NLGN4X: variants seen among roughly 807,000 people sequenced by gnomAD.
NLGN4X encodes the protein neuroligin 4 X-linked.
In NLGN4X, 3 loss-of-function variants were observed where a neutral mutation model predicts 40.3. The ratio of observed to expected loss-of-function variants is 0.07; its 90% confidence interval spans 0.03 to 0.19. The LOEUF is 0.19. Ranked by LOEUF, NLGN4X falls within the 10% of genes least tolerant of loss-of-function variation. The probability of loss-of-function intolerance (pLI) is 1.00; values close to 1 mark genes in which losing one functional copy is unlikely to be tolerated. For synonymous variants in NLGN4X, 270 were observed against 306.8 expected, an observed-to-expected ratio of 0.88 and a Z score of 1.25; for missense variants, 382 against 708.3, an observed-to-expected ratio of 0.54 and a Z score of 5.23.
At chrX:5,907,233 C>T (rs1291868048) in intron 4 of NLGN4X, among the ~76,000 whole-genome samples, 1 of 112,166 alleles carries the variant, frequency 8.9e-6, no homozygotes, top group Non-Finnish European at 1.9e-5. Flanking sequence ...GGCCAGGCAA[C>T]CCAGGGCTGG....
At chrX:5,932,760 G>A (rs1038042560) in intron 3 of NLGN4X, among the ~76,000 whole-genome samples, 1 of 110,297 alleles carries the variant, frequency 9.1e-6, no homozygotes, top group Non-Finnish European at 1.9e-5. Flanking sequence ...AAAAATGGAT[G>A]ACTTTGTTAG....
chrX:6,008,876 A>T (rs965095128), intron 3 of NLGN4X, among the ~76,000 whole-genome samples: 1 of 111,889 alleles, frequency 8.9e-6, no homozygotes, highest in African/African-American at 3.2e-5. Context: ...CACAAACACC[A>T]TTCAACTTTT....
At chrX:6,071,874 T>G (rs2038071908) in intron 2 of NLGN4X, among the ~76,000 whole-genome samples, 1 of 110,885 alleles carries the variant, frequency 9.0e-6, no homozygotes, top group African/African-American at 3.3e-5. Flanking sequence ...GGATTTGACT[T>G]GCCAATGTGA....
chrX:6,140,487 C>G (rs2039925743), intron 2 of NLGN4X, among the ~76,000 whole-genome samples: 1 of 110,062 alleles, frequency 9.1e-6, no homozygotes, highest in African/African-American at 3.3e-5. Context: ...CACACACACA[C>G]ACACACACAC....
At chrX:6,091,557 CTT>C (rs1274299188) in intron 2 of NLGN4X, among the ~76,000 whole-genome samples, 19 of 111,226 alleles carry the variant, frequency 1.7e-4, no homozygotes, top group Non-Finnish European at 3.2e-4. Context: ...ACTTAGATAT[CTT>C]TCAAAACCAA....
At chrX:6,038,756 A>G (rs2037084209) in intron 2 of NLGN4X, among the ~76,000 whole-genome samples, 2 of 111,958 alleles carry the variant, frequency 1.8e-5, no homozygotes, top group Admixed American at 1.9e-4. Context: ...ATTCAAAAAG[A>G]TATTTCTTGT....
chrX:5,933,584 G>T (rs943262764), intron 3 of NLGN4X, among the ~76,000 whole-genome samples: 1 of 111,588 alleles, frequency 9.0e-6, no homozygotes, highest in African/African-American at 3.3e-5. Context: ...ATCAGTTATG[G>T]TTAACCATAG....
intron 3 of NLGN4X, among the ~76,000 whole-genome samples, chrX:6,020,708 C>A (rs1569189652): frequency 1.8e-5 from 2 of 111,567 alleles, no homozygotes; most frequent in Non-Finnish European, 3.8e-5. Context: ...TGTACATGAT[C>A]AATATATTCA....
At chrX:5,901,680 A>T (rs1311293863) in intron 5 of NLGN4X, among the ~76,000 whole-genome samples, 1 of 110,075 alleles carries the variant, frequency 9.1e-6, no homozygotes, top group African/African-American at 3.3e-5. Context: ...GTGTGTGTTT[A>T]TGTATGCATG....
At chrX:5,941,178 GGGGTGTGTGTGTGTGTGTGT>G (rs1326554408) in intron 3 of NLGN4X, among the ~76,000 whole-genome samples, 17 of 51,994 alleles carry the variant, frequency 3.3e-4, no homozygotes, top group Admixed American at 9.2e-4. Flanking sequence ...CGTATGCTAG[GGGGTGTGTGTGTGTGTGTGT>G]GTGTGTGTGT....
chrX:5,907,390 G>A (rs2032243821), intron 4 of NLGN4X, among the ~76,000 whole-genome samples: 1 of 111,484 alleles, frequency 9.0e-6, no homozygotes, highest in Non-Finnish European at 1.9e-5. Context: ...CTTCACAAAG[G>A]GACAGCTGGG....
In NLGN4X at chrX:6,034,153, C is replaced by T. The variant is rs150638970; in HGVS notation, c.473-4721G>A. ...CTTTTAAAACCAGACCTGGGTGGTGCGTGGGTGTGATAGCCTTGCTGATCC... is the reference window on the plus strand; with the variant it reads ...CTTTTAAAACCAGACCTGGGTGGTGTGTGGGTGTGATAGCCTTGCTGATCC... On this transcript the variant is annotated intron_variant, in intron 2 of 5. Transcript: ENST00000381095. Among the ~76,000 whole-genome samples, 265 of 112,218 alleles carry T rather than the reference C, an allele frequency of 2.4e-3. 1 individual carries two copies. Among genetic ancestry groups the T allele is most frequent in the African/African-American group, 7.4e-3 (230 of 30,918 alleles).
intron 2 of NLGN4X, among the ~76,000 whole-genome samples, chrX:6,049,715 A>G (rs1188916002): frequency 2.0e-5 from 1 of 49,201 alleles, no homozygotes; most frequent in African/African-American, 8.0e-5. Context: ...CTTCTCTACA[A>G]AAGGAAAAAT....
chrX:5,972,158 T>C (rs1264024031), intron 3 of NLGN4X, among the ~76,000 whole-genome samples: 1 of 109,955 alleles, frequency 9.1e-6, no homozygotes, highest in Non-Finnish European at 1.9e-5. Context: ...TGTATATGTG[T>C]GTGTGCATGT....
chrX:6,161,645 T>C (rs1194715249), intron 1 of NLGN4X, among the ~76,000 whole-genome samples: 1 of 107,836 alleles, frequency 9.3e-6, no homozygotes, highest in African/African-American at 3.3e-5. Context: ...AAAGAAATAT[T>C]ATATTTAGGA....
chrX:6,133,962 A>G (rs973863678), intron 2 of NLGN4X, among the ~76,000 whole-genome samples: 4 of 111,743 alleles, frequency 3.6e-5, no homozygotes, highest in African/African-American at 1.3e-4. Context: ...CATAGACAAT[A>G]CATAAATAAA....
chrX:6,115,779 T>A (rs1040736071), intron 2 of NLGN4X, among the ~76,000 whole-genome samples: 7 of 111,494 alleles, frequency 6.3e-5, no homozygotes, highest in Non-Finnish European at 1.3e-4. Context: ...TCTGTCTCTA[T>A]GCAACAATTA....
chrX:6,090,895 CG>C (rs1414138506), intron 2 of NLGN4X, among the ~76,000 whole-genome samples: 2 of 102,632 alleles, frequency 1.9e-5, no homozygotes, highest in Non-Finnish European at 3.8e-5. Flanking sequence ...ACAACAAAGA[CG>C]GGGTGATCAG....
intron 3 of NLGN4X, among the ~76,000 whole-genome samples, chrX:5,960,087 T>G (rs766418207): frequency 1.3e-4 from 15 of 111,454 alleles, no homozygotes; most frequent in African/African-American, 4.9e-4. Context: ...ACTGCAGTGT[T>G]GTCGATAAGT....
Sources: allele counts gnomAD v4.1 joint callset (sites outside exome capture counted in the v4.1 genomes callset), GRCh38; gene constraint gnomAD v4.1.1; transcripts MANE v1.5; gene names NCBI Gene and HGNC (gene_info 2026-07-23, HGNC 2026-07-21).